CDH8: variants seen among roughly 807,000 people sequenced by gnomAD.
The protein encoded by CDH8 is cadherin 8.
In CDH8, 17 loss-of-function variants were observed where a neutral mutation model predicts 68.1. The observed-to-expected ratio is 0.25, with a 90% CI of 0.17 to 0.37. CDH8 has a LOEUF of 0.37. Ranked by LOEUF, CDH8 falls within the 10% of genes least tolerant of loss-of-function variation. The pLI is 1.00. For synonymous variants in CDH8, 372 were observed against 365.1 expected (o/e 1.02, Z -0.21); for missense variants, 763 against 999.3 (o/e 0.76, Z 3.19).
chr16:61,993,679 C>G (rs1024739789), intron 2 of CDH8, among the ~76,000 whole-genome samples: 2 of 152,156 alleles, frequency 1.3e-5, no homozygotes, highest in Non-Finnish European at 2.9e-5. Flanking sequence ...GTTCCTCCTT[C>G]CAGAAGCAAC....
In CDH8 at chr16:61,768,429, C is replaced by CTCTCT. The variant is rs1555508728; in HGVS notation, c.1414+20916_1414+20917insAGAGA. On this transcript the variant is annotated intron_variant, in intron 8 of 11. Coordinates refer to ENST00000577390, the MANE Select transcript of CDH8 (RefSeq NM_001796.5). ...CTCTCTCTCTCTCTCTCTCTCTCTC[C>CTCTCT]CTCTCCCTCTCTCTCTCGCAGTGCC... Among the ~76,000 whole-genome samples the CTCTCT allele has an allele frequency of 6.8e-4, 47 of 69,258 alleles. 2 individuals are homozygous for CTCTCT. The highest frequency in any genetic ancestry group is 2.5e-3 in the African/African-American group (33 of 13,378). The allele number at this position is 69,258 out of a possible 152,430, so 45.4% of individuals were successfully genotyped here.
intron 2 of CDH8, among the ~76,000 whole-genome samples, chr16:62,007,269 C>T (rs990973589): frequency 6.6e-6 from 1 of 152,148 alleles, no homozygotes; most frequent in African/African-American, 2.4e-5. Context: ...ACCCATATAC[C>T]TTTTCTACCT....
chr16:61,752,584 C>A (rs1034320231), intron 8 of CDH8, among the ~76,000 whole-genome samples: 3 of 152,152 alleles, frequency 2.0e-5, no homozygotes, highest in African/African-American at 7.2e-5. Flanking sequence ...AGAATATCTG[C>A]AAGCATTCTG....
intron 8 of CDH8, among the ~76,000 whole-genome samples, chr16:61,745,325 C>T (rs1959992437): frequency 2.0e-5 from 3 of 151,614 alleles, no homozygotes; most frequent in Admixed American, 2.0e-4. Context: ...TATGATGTGT[C>T]CTGGTATGCT....
intron 4 of CDH8, 44 bp from the exon 5 acceptor site, chr16:61,825,223 T>C (rs770270355): frequency 2.0e-6 from 3 of 1,515,120 alleles, no homozygotes; most frequent in Non-Finnish European, 2.7e-6. Flanking sequence ...ACAGAGCTAA[T>C]TCAAAAATGA....
intron 8 of CDH8, among the ~76,000 whole-genome samples, chr16:61,738,049 T>A (rs965563482): frequency 3.9e-5 from 6 of 152,128 alleles, no homozygotes; most frequent in African/African-American, 1.4e-4. Context: ...GAACAAAGCT[T>A]ATAAGTTATA....
At chr16:61,949,091 C>T (rs976113092) in intron 2 of CDH8, among the ~76,000 whole-genome samples, 1 of 152,160 alleles carries the variant, frequency 6.6e-6, no homozygotes, top group African/African-American at 2.4e-5. Context: ...TTAAATAACT[C>T]ATGAGTCTTG....
chr16:61,733,833 T>G (rs1470481866), intron 8 of CDH8, among the ~76,000 whole-genome samples: 1 of 152,042 alleles, frequency 6.6e-6, no homozygotes, highest in Non-Finnish European at 1.5e-5. Context: ...TCTTGAGCCC[T>G]CTATATCTCC....
chr16:61,840,319 C>G (rs1218438103), intron 4 of CDH8, among the ~76,000 whole-genome samples: 1 of 152,078 alleles, frequency 6.6e-6, no homozygotes, highest in Non-Finnish European at 1.5e-5. Flanking sequence ...ATTAATGAGC[C>G]TTCCTTGACC....
chr16:61,666,204 G>A (rs868666056), intron 10 of CDH8, among the ~76,000 whole-genome samples: 2,753 of 142,618 alleles, frequency 0.019, 33 homozygotes, highest in African/African-American at 0.038. Flanking sequence ...GTGTGTGTGT[G>A]TGTATATATA....
intron 2 of CDH8, among the ~76,000 whole-genome samples, chr16:61,924,174 T>C (rs1292050667): frequency 6.6e-6 from 1 of 152,128 alleles, no homozygotes; most frequent in Non-Finnish European, 1.5e-5. Flanking sequence ...AGTGGGATGG[T>C]ATTATTTGGC....
chr16:61,664,648 T>C (rs1338446741), intron 10 of CDH8, among the ~76,000 whole-genome samples: 1 of 152,000 alleles, frequency 6.6e-6, no homozygotes, highest in Non-Finnish European at 1.5e-5. Flanking sequence ...ATGACTCATA[T>C]CATGAAACAT....
At chr16:61,743,403 C>A in intron 8 of CDH8, 1 of 156,798 alleles carries the variant, frequency 6.4e-6, no homozygotes. Context: ...ACCCGCTTAG[C>A]CAGCCAGATC....
chr16:61,816,305 GT>G (rs1293780882), intron 7 of CDH8, among the ~76,000 whole-genome samples: 1 of 152,130 alleles, frequency 6.6e-6, no homozygotes, highest in Non-Finnish European at 1.5e-5. Context: ...GTCCTGCAAG[GT>G]TTTAATCTCA....
rs35176751 is a variant in CDH8 at position 61,654,496 on chromosome 16, T to TA, written c.1907-396dup. ...CTTTGGTTCCAAAGCTCCCTTCTATTAAAAAAAAAGGAGTAAACTAGGTCC... is the reference window on the plus strand; with the variant it reads ...CTTTGGTTCCAAAGCTCCCTTCTATTAAAAAAAAAAGGAGTAAACTAGGTCC... On this transcript the variant is annotated intron_variant, in intron 11 of 11. Transcript: ENST00000577390. Among the ~76,000 whole-genome samples, 615 of 151,096 alleles carry TA rather than the reference T, an allele frequency of 4.1e-3. 4 individuals carry two copies. The highest frequency in any genetic ancestry group is 0.014 in the African/African-American group (569 of 41,216).
At chr16:61,939,512 GT>G (rs1427361820) in intron 2 of CDH8, among the ~76,000 whole-genome samples, 2 of 152,156 alleles carry the variant, frequency 1.3e-5, no homozygotes, top group Non-Finnish European at 2.9e-5. Flanking sequence ...TTACTGCGAT[GT>G]TTGAAGAACC....
chr16:61,778,571 AG>A lies in CDH8; in HGVS notation c.1414+10774del, dbSNP rs555524354. 3.5e-3 allele frequency among the ~76,000 whole-genome samples: 526 copies of A among 152,284 alleles called. 4 individuals are homozygous for A. Among genetic ancestry groups the A allele is most frequent in the African/African-American group, 0.012 (480 of 41,572 alleles). The stretch of plus-strand genomic sequence containing the variant: ...AAGCTGTGATTCAAAGCCCCCATTA[AG>A]GGCCCTATTAACTAGAAGAACATAC... On this transcript the variant is annotated intron_variant, in intron 8 of 11. Transcript: ENST00000577390.
chr16:62,031,438 CT>C (rs1902322670), intron 1 of CDH8, among the ~76,000 whole-genome samples: 1 of 152,010 alleles, frequency 6.6e-6, no homozygotes, highest in Admixed American at 6.6e-5. Flanking sequence ...GGTGCAGGGT[CT>C]TTGCTAATTT....
intron 2 of CDH8, among the ~76,000 whole-genome samples, chr16:61,970,620 C>G (rs1965322321): frequency 6.6e-6 from 1 of 152,178 alleles, no homozygotes; most frequent in Admixed American, 6.5e-5. Flanking sequence ...CTTCTGTGAC[C>G]AAATGCATGG....
Sources: allele counts gnomAD v4.1 joint callset (sites outside exome capture counted in the v4.1 genomes callset), GRCh38; gene constraint gnomAD v4.1.1; transcripts MANE v1.5; gene names NCBI Gene and HGNC (gene_info 2026-07-23, HGNC 2026-07-21).